The following AFAP1L1 variants were observed in gnomAD, a reference collection of about 807,000 sequenced individuals.
AFAP1L1 encodes the protein actin filament associated protein 1 like 1, also known as actin filament-associated protein 1-like 1.
A neutral mutation model predicts 99.8 loss-of-function variants in AFAP1L1; 77 were observed. That is an observed-to-expected ratio of 0.77 (90% CI 0.64 to 0.93). The LOEUF (loss-of-function observed/expected upper bound fraction) is 0.93. Ranked by LOEUF, AFAP1L1 falls within the 40% of genes least tolerant of loss-of-function variation. The pLI is 0.00. For synonymous variants in AFAP1L1, 373 were observed against 395.3 expected (o/e 0.94, Z 0.67); for missense variants, 893 against 996.8 (o/e 0.90, Z 1.40).
chr5:149,317,917 C>G lies in AFAP1L1; in HGVS notation c.1456C>G (p.Arg486Gly). Reference protein sequence around the residue: ...HPFAFRILRNRQEVAILEASC... With the variant: ...HPFAFRILRNGQEVAILEASC... ...ATTTGCCTTCAGGATCCTGCGCAAC[C>G]GGCAGGAGGTGGCCATCTTGGAGGT... is the stretch of plus-strand genomic sequence containing the variant. Residue 486 changes from arginine (R) to glycine (G), a missense_variant, in exon 12 of 19, where the codon CGG becomes GGG. Transcript: ENST00000296721. The G allele has an allele frequency of 6.3e-7, 1 of 1,579,346 alleles. No homozygotes were observed. The highest frequency in any genetic ancestry group is 8.6e-7 in the Non-Finnish European group (1 of 1,162,288).
chr5:149,327,639 T>C (rs983592441), intron 15 of AFAP1L1, among the ~76,000 whole-genome samples: 1 of 151,964 alleles, frequency 6.6e-6, no homozygotes, highest in African/African-American at 2.4e-5. Flanking sequence ...AAAAGTACAA[T>C]AACTGAAACG....
At chr5:149,332,627 G>A in intron 16 of AFAP1L1, 68 bp from the exon 17 acceptor site, 1 of 1,537,202 alleles carries the variant, frequency 6.5e-7, no homozygotes, top group South Asian at 1.3e-5. Flanking sequence ...AAAGGCCTGA[G>A]GCCCTGCCAG....
At chr5:149,335,961 A>G (rs191947389) in intron 18 of AFAP1L1, among the ~76,000 whole-genome samples, 7 of 152,350 alleles carry the variant, frequency 4.6e-5, no homozygotes, top group Admixed American at 3.3e-4. Flanking sequence ...TGAGCCTACA[A>G]TGTGTTTTCA....
At chr5:149,282,433 C>T (rs909078789) in intron 1 of AFAP1L1, among the ~76,000 whole-genome samples, 2 of 152,150 alleles carry the variant, frequency 1.3e-5, no homozygotes, top group Non-Finnish European at 2.9e-5. Context: ...GGAAGCAATT[C>T]ACTGCCGGGA....
chr5:149,338,133 T>C (rs1301841891), intron 18 of AFAP1L1, among the ~76,000 whole-genome samples: 3 of 152,308 alleles, frequency 2.0e-5, no homozygotes, highest in Non-Finnish European at 2.9e-5. Context: ...ATCGGCAACA[T>C]TTTGTCTAGG....
At chr5:149,315,699 C>A in intron 9 of AFAP1L1, 122 bp from the exon 10 acceptor site, 1 of 801,058 alleles carries the variant, frequency 1.2e-6, no homozygotes, top group Non-Finnish European at 2.1e-6. Flanking sequence ...TAGTTGCTGA[C>A]AAACATTTGT....
At chr5:149,279,737 C>T (rs529333476) in intron 1 of AFAP1L1, among the ~76,000 whole-genome samples, 1 of 152,300 alleles carries the variant, frequency 6.6e-6, no homozygotes, top group Admixed American at 6.5e-5. Flanking sequence ...CCCCCACCTA[C>T]CTCTTGCCCT....
intron 17 of AFAP1L1, among the ~76,000 whole-genome samples, chr5:149,335,208 C>T (rs565547347): frequency 9.2e-5 from 14 of 152,276 alleles, no homozygotes; most frequent in Non-Finnish European, 1.5e-4. Context: ...CCTCATGCAG[C>T]CAGGCACAGT....
In AFAP1L1 at chr5:149,332,876, G is replaced by A. The variant is rs1757297792; in HGVS notation, c.2154+3G>A. The A allele has an allele frequency of 6.3e-7, 1 of 1,584,028 alleles. No homozygotes were observed. The highest frequency in any genetic ancestry group is 8.6e-7 in the Non-Finnish European group (1 of 1,166,548). ...TGAGCAGCAAGCCCAAGAGTGGGGTGAGTCCAGGCCCTTCCATGCCAGGGG... is the reference window on the plus strand; with the variant it reads ...TGAGCAGCAAGCCCAAGAGTGGGGTAAGTCCAGGCCCTTCCATGCCAGGGG... On this transcript the variant is annotated splice_donor_region_variant and intron_variant, in intron 17 of 18. Coordinates refer to ENST00000296721, the MANE Select transcript of AFAP1L1 (RefSeq NM_152406.4).
At chr5:149,333,367 T>A (rs1757312211) in intron 17 of AFAP1L1, among the ~76,000 whole-genome samples, 1 of 152,124 alleles carries the variant, frequency 6.6e-6, no homozygotes, top group South Asian at 2.1e-4. Context: ...ACCCAGGAAG[T>A]CTAACTCCAG....
At chr5:149,326,202 C>A (rs1198059213) in intron 15 of AFAP1L1, among the ~76,000 whole-genome samples, 3 of 152,150 alleles carry the variant, frequency 2.0e-5, no homozygotes, top group Non-Finnish European at 4.4e-5. Context: ...ATAAACTAAA[C>A]CACAGGCTAG....
At chr5:149,312,286 T>TG in intron 9 of AFAP1L1, 82 bp downstream of exon 9, 7 of 1,434,590 alleles carry the variant, frequency 4.9e-6, no homozygotes, top group South Asian at 1.1e-5. Flanking sequence ...ACTAACTGGC[T>TG]GGGGGGAAAG....
Position 149,299,618 on chromosome 5 carries a change from G to GA in AFAP1L1, c.127dup (p.Ser43LysfsTer32), listed in dbSNP as rs1247215793. 24 of 1,614,150 alleles carry GA rather than the reference G, an allele frequency of 1.5e-5. No homozygotes were observed. Among genetic ancestry groups the GA allele is most frequent in the Non-Finnish European group, 2.0e-5 (24 of 1,180,026 alleles). ...AGATGGCCGTGGCCTCCATCCTGCAGAGCCTGCAGCCCCTTCCAGGTTAGC... is the reference window on the plus strand; with the variant it reads ...AGATGGCCGTGGCCTCCATCCTGCAGAAGCCTGCAGCCCCTTCCAGGTTAGC... On this transcript the variant is annotated frameshift_variant, in exon 2 of 19. Transcript: ENST00000296721. LOFTEE classifies it high-confidence loss of function.
chr5:149,276,901 A>G (rs1755345012), intron 1 of AFAP1L1: 1 of 152,316 alleles, frequency 6.6e-6, no homozygotes, highest in Admixed American at 6.5e-5. Flanking sequence ...GACCTTCAAT[A>G]ACTGGACCAC....
In AFAP1L1 at chr5:149,320,148, T is replaced by C. The variant is rs1358735663; in HGVS notation, c.1626-243T>C. Among the ~76,000 whole-genome samples, 1 of 152,248 alleles carries C rather than the reference T, an allele frequency of 6.6e-6. No individual in the cohort carries two copies. Among genetic ancestry groups the C allele is most frequent in the Admixed American group, 6.5e-5 (1 of 15,288 alleles). On this transcript the variant is annotated intron_variant, in intron 13 of 18. Coordinates refer to ENST00000296721, the MANE Select transcript of AFAP1L1 (RefSeq NM_152406.4). The surrounding 1 kb of genome is among the most constrained non-coding windows in gnomAD (Gnocchi z 4.0). ...CTTGCCATCTCGGATCTCTGTTTTC[T>C]GACTCATAGAATGGTGGTGATGAAT...
chr5:149,329,927 A>C (rs975571470), intron 16 of AFAP1L1, 97 bp downstream of exon 16: 6 of 1,181,372 alleles, frequency 5.1e-6, no homozygotes, highest in Non-Finnish European at 6.6e-6. Flanking sequence ...CTGGTTTCTT[A>C]CCCAAGAGAA....
chr5:149,316,387 C>T (rs1581328261), intron 11 of AFAP1L1, 84 bp downstream of exon 11: 6 of 1,504,318 alleles, frequency 4.0e-6, no homozygotes, highest in South Asian at 1.3e-5. Flanking sequence ...CCTCATGCCT[C>T]GTCCACCTCA....
At position 149,302,485 on chromosome 5, in the gene AFAP1L1, C is replaced by A; in HGVS notation, c.395C>A (p.Pro132His). 1.9e-6 allele frequency: 3 copies of A among 1,594,896 alleles called. No individual in the cohort carries two copies. The highest frequency in any genetic ancestry group is 2.6e-6 in the Non-Finnish European group (3 of 1,170,680). Reference sequence around the variant, plus strand: ...GAGGACTACTATGAAGAGGCCCTTCCTCTGGGACCCGGCAAGTCGCCTGAG... The same window carrying A: ...GAGGACTACTATGAAGAGGCCCTTCATCTGGGACCCGGCAAGTCGCCTGAG... ...PPEDYYEEALPLGPGKSPEYI... is the reference protein window; with the variant it reads ...PPEDYYEEALHLGPGKSPEYI... Residue 132 changes from proline to histidine, a missense_variant, in exon 5 of 19, where the codon CCT becomes CAT. Pro to His is a moderately conservative substitution (Grantham distance 77, BLOSUM62 -2). Transcript: ENST00000296721.
intron 1 of AFAP1L1, 129 bp from the exon 2 acceptor site, chr5:149,299,380 G>A: frequency 7.8e-7 from 1 of 1,287,084 alleles, no homozygotes; most frequent in Non-Finnish European, 1.1e-6. Flanking sequence ...AGAGCCCCCA[G>A]GTCCGCTTGC....
Sources: allele counts gnomAD v4.1 joint callset (sites outside exome capture counted in the v4.1 genomes callset), GRCh38; gene constraint gnomAD v4.1.1; non-coding constraint Gnocchi (gnomAD v3.1); transcripts MANE v1.5; gene names NCBI Gene and HGNC (gene_info 2026-07-23, HGNC 2026-07-21).